SDR39U1: variants seen among roughly 807,000 people sequenced by gnomAD.
The protein encoded by SDR39U1 is short chain dehydrogenase/reductase family 39U member 1.
A neutral mutation model predicts 31.7 loss-of-function variants in SDR39U1; 29 were observed. The observed-to-expected ratio is 0.92, with a 90% CI of 0.68 to 1.25. SDR39U1 has a LOEUF of 1.25. Ranked by LOEUF, SDR39U1 falls within the 50% of genes most tolerant of loss-of-function variation. The probability of loss-of-function intolerance (pLI) is 0.00; values close to 1 mark genes in which losing one functional copy is unlikely to be tolerated. For synonymous variants in SDR39U1, 147 were observed against 159.0 expected (o/e 0.92, Z 0.57); for missense variants, 403 against 378.4 (o/e 1.06, Z -0.54).
In SDR39U1 at chr14:24,440,899, T is replaced by C. The variant is rs1218510046; in HGVS notation, c.356A>G (p.Glu119Gly). The change falls in exon 5 of 6, where the codon GAG (glutamate) becomes GGG (glycine). Residue 119 changes from glutamate to glycine, a missense_variant. Transcript: ENST00000399395. ...CCCTCCTGGGCTGTCTTCATCATACTCCGCAGTCAGACTGGGCTGGTAGTA... is the reference window on the plus strand; with the variant it reads ...CCCTCCTGGGCTGTCTTCATCATACCCCGCAGTCAGACTGGGCTGGTAGTA... The part of the protein sequence containing the change: ...VAYYQPSLTA[E>G]YDEDSPGGDF... 4 of 1,613,912 alleles carry C rather than the reference T, an allele frequency of 2.5e-6. No individual in the cohort carries two copies. Among genetic ancestry groups the C allele is most frequent in the Non-Finnish European group, 3.4e-6 (4 of 1,179,896 alleles).
chr14:24,442,014 G>T (rs1191576355), intron 3 of SDR39U1, 164 bp downstream of exon 3: 15 of 1,483,316 alleles, frequency 1.0e-5, no homozygotes, highest in African/African-American at 1.4e-5. Context: ...CTGACTGGGT[G>T]GAGGAGCAGG....
At chr14:24,442,011 G>C in intron 3 of SDR39U1, 167 bp downstream of exon 3, 4 of 1,475,966 alleles carry the variant, frequency 2.7e-6, no homozygotes, top group Non-Finnish European at 3.7e-6. Context: ...TGGCTGACTG[G>C]GTGGAGGAGC....
rs769544752 is a variant in SDR39U1 at position 24,441,730 on chromosome 14, T to C, written c.272A>G (p.Lys91Arg). 3 of 1,602,216 alleles carry C rather than the reference T, an allele frequency of 1.9e-6. No individual in the cohort carries two copies. The highest frequency in any genetic ancestry group is 2.7e-5 in the African/African-American group (2 of 74,198). The change falls in exon 4 of 6, where the codon AAA (lysine) becomes AGA (arginine). Residue 91 changes from lysine (K) to arginine (R), a missense_variant. Physicochemically the swap from Lys to Arg is conservative, Grantham distance 26. Transcript: ENST00000399395. Reference sequence around the variant, plus strand: ...GGGTTGTGGGGCTTTGGTGATGGCTTTAGCCAGCAATTGGGTGGTCTCTAG... The same window carrying C: ...GGGTTGTGGGGCTTTGGTGATGGCTCTAGCCAGCAATTGGGTGGTCTCTAG... ...SRLETTQLLA[K>R]AITKAPQPPK... is the part of the protein sequence containing the mutation.
In SDR39U1 at chr14:24,442,330, C is replaced by CAG; in HGVS notation, c.123+14_123+15dup. The CAG allele has an allele frequency of 1.2e-6, 2 of 1,608,606 alleles. No homozygotes were observed. Among genetic ancestry groups the CAG allele is most frequent in the Non-Finnish European group, 8.5e-7 (1 of 1,177,506 alleles). The stretch of plus-strand genomic sequence containing the variant: ...CCAACTCTGCCCTCCCACCCGCTTC[C>CAG]AGAGGATGGACTTACCCACGTGATC... On this transcript the variant is annotated intron_variant, in intron 2 of 5. Coordinates refer to ENST00000399395, the MANE Select transcript of SDR39U1 (RefSeq NM_020195.3).
At chr14:24,441,331 A>T (rs553272858) in intron 4 of SDR39U1, 8 of 450,952 alleles carry the variant, frequency 1.8e-5, no homozygotes, top group South Asian at 1.6e-4. Context: ...AATAAGCATA[A>T]AACACTTCAA....
intron 3 of SDR39U1, 139 bp from the exon 4 acceptor site, chr14:24,441,934 C>T: frequency 7.4e-7 from 1 of 1,350,164 alleles, no homozygotes; most frequent in East Asian, 2.5e-5. Flanking sequence ...CAGTCAACGT[C>T]TCCTGTAGAG....
chr14:24,441,477 C>T, intron 4 of SDR39U1, 197 bp downstream of exon 4: 1 of 542,456 alleles, frequency 1.8e-6, no homozygotes. Context: ...TGAGTGATGC[C>T]ACTCCCCACT....
rs980423571 is a variant in SDR39U1, at chr14:24,440,220, C to A, written c.745G>T (p.Val249Leu). The change falls in exon 6 of 6, where the codon GTG becomes TTG. Residue 249 changes from valine to leucine, a missense_variant. Val to Leu is a conservative substitution (Grantham distance 32). Transcript: ENST00000399395. ...RAFIPLPSAVVQAVFGRQRAI... is the reference protein window; with the variant it reads ...RAFIPLPSAVLQAVFGRQRAI... Reference sequence around the variant, plus strand: ...CGCTGTCGCCCAAAGACAGCTTGCACCACAGCGCTGGGGAGAGGGATGAAG... The same window carrying A: ...CGCTGTCGCCCAAAGACAGCTTGCAACACAGCGCTGGGGAGAGGGATGAAG... 1.9e-6 allele frequency: 3 copies of A among 1,613,974 alleles called. No homozygotes were observed. The highest frequency in any genetic ancestry group is 1.7e-4 in the Middle Eastern group (1 of 6,060).
chr14:24,440,490 C>T lies in SDR39U1; in HGVS notation c.475G>A (p.Val159Ile), dbSNP rs775835935. Residue 159 changes from valine to isoleucine, a missense_variant and splice_region_variant, in exon 6 of 6, where the codon GTT (valine) becomes ATT (isoleucine). Coordinates refer to ENST00000399395, the MANE Select transcript of SDR39U1 (RefSeq NM_020195.3). Reference protein sequence around the residue: ...STRQVVVRSGVVLGRGGGAMG... With the variant: ...STRQVVVRSGIVLGRGGGAMG... ...GCACCACCCCCACGGCCCAGCACAA[C>T]CCCTAGAGCAGGAAAGAGGGAAGGT... The T allele has an allele frequency of 3.1e-6, 5 of 1,602,452 alleles. No individual in the cohort carries two copies. In the South Asian group the frequency reaches 4.5e-5, roughly 14 times the overall value.
chr14:24,442,786 C>G (rs768032904), upstream of SDR39U1: 1 of 1,613,958 alleles, frequency 6.2e-7, no homozygotes, highest in Non-Finnish European at 8.5e-7. Context: ...TAGGACCTAA[C>G]GCGCCTGCGT....
At position 24,440,774 on chromosome 14, in the gene SDR39U1, G is replaced by A. The variant is rs759396023; in HGVS notation, c.472+9C>T. 1.6e-5 allele frequency: 26 copies of A among 1,613,442 alleles called. No individual in the cohort carries two copies. Among genetic ancestry groups the A allele is most frequent in the Middle Eastern group, 1.6e-4 (1 of 6,070 alleles). On this transcript the variant is annotated intron_variant, in intron 5 of 5. Transcript: ENST00000399395. ...CCAACCCTGTCTGATACCCAGGCCC[G>A]TTTCTCACCTGAGCGCACCACCACC...
At chr14:24,441,278 T>C (rs1360925427) in intron 4 of SDR39U1, 16 of 450,526 alleles carry the variant, frequency 3.6e-5, no homozygotes, top group Non-Finnish European at 5.3e-5. Flanking sequence ...AAAATGGGAA[T>C]AATAGTACCT....
At chr14:24,442,603 G>C in intron 1 of SDR39U1, 151 bp from the exon 2 acceptor site, 2 of 1,240,484 alleles carry the variant, frequency 1.6e-6, no homozygotes, top group Non-Finnish European at 2.4e-6. Context: ...AGGTGACACA[G>C]GTCACAGGGA....
chr14:24,441,757 C>A lies in SDR39U1; in HGVS notation c.245G>T (p.Arg82Leu). Residue 82 changes from arginine to leucine, a missense_variant, in exon 4 of 6, where the codon CGC (arginine) becomes CTC (leucine). Transcript: ENST00000399395. Reference sequence around the variant, plus strand: ...AGCCAGCAATTGGGTGGTCTCTAGGCGGCTGCCGATTACCTCTTTTTGGAA... The same window carrying A: ...AGCCAGCAATTGGGTGGTCTCTAGGAGGCTGCCGATTACCTCTTTTTGGAA... ...ETFQKEVIGSRLETTQLLAKA... is the reference protein window; with the variant it reads ...ETFQKEVIGSLLETTQLLAKA... 6.2e-7 allele frequency: 1 copy of A among 1,602,462 alleles called. No individual in the cohort carries two copies. The highest frequency in any genetic ancestry group is 2.2e-5 in the East Asian group (1 of 44,840).
intron 5 of SDR39U1, 144 bp from the exon 6 acceptor site, chr14:24,440,636 G>T: frequency 7.4e-7 from 1 of 1,349,150 alleles, no homozygotes; most frequent in Non-Finnish European, 1.0e-6. Context: ...CTGTCTTTAA[G>T]ACCTCACACC....
At chr14:24,441,199 C>T (rs1410249448) in intron 4 of SDR39U1, 2 of 537,872 alleles carry the variant, frequency 3.7e-6, no homozygotes, top group Middle Eastern at 4.4e-4. Flanking sequence ...TTAATCAGCT[C>T]CCTCATTTAT....
Position 24,440,869 on chromosome 14 carries a change from A to G in SDR39U1, c.386T>C (p.Phe129Ser). The G allele has an allele frequency of 1.2e-6, 2 of 1,613,956 alleles. No individual in the cohort carries two copies. Among genetic ancestry groups the G allele is most frequent in the South Asian group, 1.1e-5 (1 of 91,076 alleles). Reference sequence around the variant, plus strand: ...GGTTACGAGGTTGGAGAAAAAGTCAAAGTCCCCTCCTGGGCTGTCTTCATC... The same window carrying G: ...GGTTACGAGGTTGGAGAAAAAGTCAGAGTCCCCTCCTGGGCTGTCTTCATC... Reference protein sequence around the residue: ...EYDEDSPGGDFDFFSNLVTKW... With the variant: ...EYDEDSPGGDSDFFSNLVTKW... The change falls in exon 5 of 6, where the codon TTT (phenylalanine) becomes TCT (serine). Residue 129 changes from phenylalanine to serine, a missense_variant. Coordinates refer to ENST00000399395, the MANE Select transcript of SDR39U1 (RefSeq NM_020195.3).
chr14:24,441,548 G>T, intron 4 of SDR39U1, 126 bp downstream of exon 4: 2 of 752,966 alleles, frequency 2.7e-6, no homozygotes, highest in Non-Finnish European at 2.1e-6. Context: ...AACATGCATG[G>T]ATCAAGGGCC....
chr14:24,440,438 C>T lies in SDR39U1; in HGVS notation c.527G>A (p.Arg176His), dbSNP rs373631253. ...GCCGATGGGGCCCCCCAGGCCCAGG[C>T]GAAAGGGCAGCAGCATGTGGCCCAT... ...GAMGHMLLPF[R>H]LGLGGPIGSG... is the part of the protein sequence containing the mutation. The change falls in exon 6 of 6, where the codon CGC becomes CAC. Residue 176 changes from arginine to histidine, a missense_variant. Coordinates refer to ENST00000399395, the MANE Select transcript of SDR39U1 (RefSeq NM_020195.3). 1.0e-4 allele frequency: 164 copies of T among 1,611,864 alleles called. No homozygotes were observed. Among genetic ancestry groups the T allele is most frequent in the Middle Eastern group, 1.6e-4 (1 of 6,084 alleles).
Sources: gnomAD v4.1 joint callset for allele counts on GRCh38, gnomAD v4.1.1 for gene constraint, MANE v1.5 for transcripts, NCBI Gene and HGNC (gene_info 2026-07-23, HGNC 2026-07-21) for gene names.